The following TAFA2 variants were observed in gnomAD, a reference collection of about 807,000 sequenced individuals.
TAFA2 encodes the protein TAFA chemokine like family member 2.
Under a neutral mutation model 18.8 loss-of-function variants are expected in TAFA2, and 7 were observed. The observed-to-expected ratio is 0.37, with a 90% CI of 0.21 to 0.70. TAFA2 has a LOEUF of 0.70. Among genes scored for constraint, TAFA2 ranks in the 30% least tolerant of loss-of-function variants. The pLI is 0.53. For synonymous variants in TAFA2, 60 were observed against 54.2 expected, an observed-to-expected ratio of 1.11 and a Z score of -0.47; for missense variants, 122 against 158.1, an observed-to-expected ratio of 0.77 and a Z score of 1.23.
chr12:61,763,010 G>A (rs1352248603), intron 2 of TAFA2, among the ~76,000 whole-genome samples: 1 of 151,954 alleles, frequency 6.6e-6, no homozygotes, highest in Non-Finnish European at 1.5e-5. Context: ...GAAAAAATGT[G>A]CTGAAACAAA....
At chr12:61,879,514 G>C in intron 1 of TAFA2, 1 of 708,770 alleles carries the variant, frequency 1.4e-6, no homozygotes, top group Non-Finnish European at 2.6e-6. Flanking sequence ...GATCACTGCT[G>C]TCATGGTCAA....
At chr12:61,930,182 CG>C in intron 1 of TAFA2, among the ~76,000 whole-genome samples, 1 of 151,866 alleles carries the variant, frequency 6.6e-6, no homozygotes, top group Non-Finnish European at 1.5e-5. Context: ...AAAAAGAAAA[CG>C]GGAAGAGAAG....
At chr12:62,194,399 T>C (rs747897242), upstream of TAFA2, among the ~76,000 whole-genome samples, 1 of 152,206 alleles carries the variant, frequency 6.6e-6, no homozygotes, top group Non-Finnish European at 1.5e-5. Context: ...GGTTGTAATC[T>C]ATAGTTTTGT....
In TAFA2 at chr12:61,951,256, T is replaced by C. The variant is rs1177114972; in HGVS notation, c.-1-83830A>G. ...TCATATAACGCTGTAAGAGTGATGCTTACGCAAATGGTCTTCCCAAGAAGA... is the reference window on the plus strand; with the variant it reads ...TCATATAACGCTGTAAGAGTGATGCCTACGCAAATGGTCTTCCCAAGAAGA... On this transcript the variant is annotated intron_variant, in intron 1 of 4. Transcript: ENST00000416284. 2.0e-5 allele frequency among the ~76,000 whole-genome samples: 3 copies of C among 152,192 alleles called. No individual in the cohort carries two copies. In the East Asian group the frequency reaches 5.8e-4, roughly 29 times the overall value.
At chr12:61,780,510 A>C (rs140436790) in intron 2 of TAFA2, among the ~76,000 whole-genome samples, 1 of 151,870 alleles carries the variant, frequency 6.6e-6, no homozygotes, top group African/African-American at 2.4e-5. Context: ...CCTTTGTATT[A>C]ATATAAATCT....
At chr12:62,171,976 A>G (rs986218128) in intron 1 of TAFA2, among the ~76,000 whole-genome samples, 2 of 152,218 alleles carry the variant, frequency 1.3e-5, no homozygotes, top group Non-Finnish European at 2.9e-5. Flanking sequence ...ATCACTTTTT[A>G]AAATTCATGG....
At chr12:61,781,764 T>C (rs1870514112) in intron 2 of TAFA2, among the ~76,000 whole-genome samples, 1 of 151,648 alleles carries the variant, frequency 6.6e-6, no homozygotes, top group Non-Finnish European at 1.5e-5. Flanking sequence ...TATAAACTGG[T>C]ACCAAAAAAT....
intron 1 of TAFA2, among the ~76,000 whole-genome samples, chr12:62,153,308 G>C (rs2062342593): frequency 6.6e-6 from 1 of 152,114 alleles, no homozygotes; most frequent in South Asian, 2.1e-4. Flanking sequence ...TCTGGAAAAT[G>C]TTCCAATCTA....
intron 1 of TAFA2, among the ~76,000 whole-genome samples, chr12:62,014,892 C>T (rs1336633970): frequency 6.6e-6 from 1 of 152,122 alleles, no homozygotes; most frequent in Non-Finnish European, 1.5e-5. Context: ...AATGATAGGA[C>T]AGGCAACCTC....
chr12:61,997,441 C>T (rs963196633), intron 1 of TAFA2, among the ~76,000 whole-genome samples: 6 of 151,126 alleles, frequency 4.0e-5, no homozygotes, highest in Non-Finnish European at 8.9e-5. Flanking sequence ...AGCAGTACAG[C>T]TAGTGTCAAA....
At chr12:61,869,235 C>CTTCCTG (rs1565662841) in intron 1 of TAFA2, among the ~76,000 whole-genome samples, 1 of 152,118 alleles carries the variant, frequency 6.6e-6, no homozygotes, top group Non-Finnish European at 1.5e-5. Flanking sequence ...TAAAACCAGG[C>CTTCCTG]TTCCTGCTGA....
At chr12:62,167,450 G>A (rs61920608) in intron 1 of TAFA2, among the ~76,000 whole-genome samples, 39,280 of 151,908 alleles carry the variant, frequency 0.26, 5,432 homozygotes, top group Non-Finnish European at 0.3. Context: ...ATTGTCATTC[G>A]GAGACTGTTG....
chr12:62,239,748 G>C (rs1214522805), intron 1 of TAFA2, among the ~76,000 whole-genome samples: 2 of 152,202 alleles, frequency 1.3e-5, no homozygotes, highest in Non-Finnish European at 2.9e-5. Context: ...CATCAGATAT[G>C]TGACCGAGTG....
chr12:61,761,979 C>A (rs964437474), intron 2 of TAFA2, among the ~76,000 whole-genome samples: 1 of 151,966 alleles, frequency 6.6e-6, no homozygotes, highest in Non-Finnish European at 1.5e-5. Flanking sequence ...GTAGCACCTC[C>A]CCTCTTGCTC....
intron 1 of TAFA2, among the ~76,000 whole-genome samples, chr12:61,908,708 C>G (rs1292631744): frequency 6.6e-6 from 1 of 152,128 alleles, no homozygotes; most frequent in Non-Finnish European, 1.5e-5. Flanking sequence ...AAATTATGGT[C>G]CACTAAATAT....
chr12:61,864,400 GTATATATATATTTC>G (rs991727174), intron 2 of TAFA2, among the ~76,000 whole-genome samples: 2 of 146,878 alleles, frequency 1.4e-5, no homozygotes, highest in Non-Finnish European at 3.0e-5. Context: ...TATATGGTGT[GTATATATATATTTC>G]TATATATACA....
At chr12:61,913,213 T>C (rs1423134361) in intron 1 of TAFA2, among the ~76,000 whole-genome samples, 20 of 151,822 alleles carry the variant, frequency 1.3e-4, no homozygotes, top group South Asian at 2.1e-4. Context: ...AAAGAAGGTG[T>C]TAAGAAAAAA....
At chr12:61,872,510 A>T (rs1874655598) in intron 1 of TAFA2, among the ~76,000 whole-genome samples, 1 of 152,044 alleles carries the variant, frequency 6.6e-6, no homozygotes, top group Non-Finnish European at 1.5e-5. Context: ...AAATCAAATC[A>T]CATTGCCCCA....
At chr12:62,134,679 G>GA (rs796316140) in intron 1 of TAFA2, among the ~76,000 whole-genome samples, 14 of 152,134 alleles carry the variant, frequency 9.2e-5, no homozygotes, top group African/African-American at 3.1e-4. Context: ...CACTAGAAAG[G>GA]AAAATCCATG....
Sources: gnomAD v4.1 joint callset for allele counts (sites outside exome capture counted in the v4.1 genomes callset) on GRCh38, gnomAD v4.1.1 for gene constraint, MANE v1.5 for transcripts, NCBI Gene and HGNC (gene_info 2026-07-23, HGNC 2026-07-21) for gene names.